OSBPL1A: variants seen among roughly 807,000 people sequenced by gnomAD.
OSBPL1A encodes the protein oxysterol-binding protein-related protein 1.
Under a neutral mutation model 137.1 loss-of-function variants are expected in OSBPL1A, and 80 were observed. The observed-to-expected ratio is 0.58, with a 90% CI of 0.49 to 0.70. OSBPL1A has a LOEUF of 0.70. OSBPL1A is among the 30% of genes least tolerant of loss of function. OSBPL1A has a pLI of 0.00. For missense variants in OSBPL1A, 970 were observed against 1,129.4 expected (o/e 0.86, Z 2.02); for synonymous variants, 365 against 389.7 (o/e 0.94, Z 0.75).
chr18:24,357,543 C>T (rs8091583), intron 4 of OSBPL1A: 98,115 of 151,936 alleles, frequency 0.65, 31,895 homozygotes, highest in East Asian at 0.84. Flanking sequence ...CTTGTAGCCA[C>T]CTTATTTAGG....
intron 14 of OSBPL1A, among the ~76,000 whole-genome samples, chr18:24,289,322 A>C (rs1010072618): frequency 1.3e-5 from 2 of 152,196 alleles, no homozygotes; most frequent in Admixed American, 1.3e-4. Flanking sequence ...TATAAATCTG[A>C]AAAACTTCTC....
chr18:24,266,685 A>G (rs1488272409), intron 15 of OSBPL1A, among the ~76,000 whole-genome samples: 1 of 152,214 alleles, frequency 6.6e-6, no homozygotes, highest in African/African-American at 2.4e-5. Flanking sequence ...TTAGGGGGAT[A>G]GTACCTAGAC....
intron 17 of OSBPL1A, among the ~76,000 whole-genome samples, chr18:24,213,923 C>T (rs77685517): frequency 5.5e-4 from 84 of 152,282 alleles, no homozygotes; most frequent in African/African-American, 2.0e-3. Flanking sequence ...AACAGGAATG[C>T]TTACAGAATC....
At chr18:24,355,645 T>C (rs2091520534) in intron 4 of OSBPL1A, among the ~76,000 whole-genome samples, 1 of 152,090 alleles carries the variant, frequency 6.6e-6, no homozygotes, top group African/African-American at 2.4e-5. Flanking sequence ...CATCAAAAGA[T>C]ATCAACAGTG....
chr18:24,197,059 A>G (rs184441664), intron 17 of OSBPL1A, among the ~76,000 whole-genome samples: 1 of 152,200 alleles, frequency 6.6e-6, no homozygotes, highest in African/African-American at 2.4e-5. Flanking sequence ...AAAGTTTTCC[A>G]GTTGCTGGCC....
At chr18:24,282,882 A>G (rs2089987250) in intron 14 of OSBPL1A, among the ~76,000 whole-genome samples, 4 of 152,012 alleles carry the variant, frequency 2.6e-5, no homozygotes, top group African/African-American at 9.7e-5. Context: ...GCCAAGGTAA[A>G]AGGATCACTT....
intron 13 of OSBPL1A, among the ~76,000 whole-genome samples, chr18:24,309,968 A>C (rs1599647486): frequency 1.4e-5 from 2 of 147,592 alleles, no homozygotes; most frequent in South Asian, 2.2e-4. Flanking sequence ...GATCGCTTGA[A>C]CCCGGGAGGC....
intron 1 of OSBPL1A, among the ~76,000 whole-genome samples, chr18:24,387,348 C>A (rs1303399414): frequency 1.3e-5 from 2 of 152,152 alleles, no homozygotes; most frequent in Non-Finnish European, 2.9e-5. Flanking sequence ...AGCCACCATG[C>A]CCAGCCCAAA....
chr18:24,289,814 T>A lies in OSBPL1A; in HGVS notation c.1175-8866A>T, dbSNP rs550315119. Among the ~76,000 whole-genome samples the A allele has an allele frequency of 2.0e-5, 3 of 152,266 alleles. No individual in the cohort carries two copies. The South Asian group carries it at 6.2e-4, about 32-fold the overall frequency. On this transcript the variant is annotated intron_variant, in intron 14 of 27. Coordinates refer to ENST00000319481, the MANE Select transcript of OSBPL1A (RefSeq NM_080597.4). The stretch of plus-strand genomic sequence containing the variant: ...GCTCTGTGACCTTAAGTAAGTTATA[T>A]AGGCTCCCTGTGCCTCAGTCAACTT...
intron 7 of OSBPL1A, among the ~76,000 whole-genome samples, chr18:24,331,686 G>A (rs367558266): frequency 9.2e-5 from 14 of 152,238 alleles, no homozygotes; most frequent in Middle Eastern, 3.4e-3. Context: ...ATGAGCCACC[G>A]CGCCCGGCGG....
chr18:24,262,708 T>C (rs1172264773), intron 15 of OSBPL1A, among the ~76,000 whole-genome samples: 1 of 132,692 alleles, frequency 7.5e-6, no homozygotes, highest in Non-Finnish European at 1.6e-5. Flanking sequence ...CCATTACCTC[T>C]CTCCCCCAAG....
At chr18:24,188,167 G>C (rs993039746) in intron 18 of OSBPL1A, among the ~76,000 whole-genome samples, 1 of 152,220 alleles carries the variant, frequency 6.6e-6, no homozygotes, top group Non-Finnish European at 1.5e-5. Flanking sequence ...TTATAAGACA[G>C]GAGTTCTTCC....
At chr18:24,241,435 AAAAC>A (rs1273687714) in intron 15 of OSBPL1A, among the ~76,000 whole-genome samples, 13 of 152,238 alleles carry the variant, frequency 8.5e-5, no homozygotes, top group Admixed American at 7.9e-4. Flanking sequence ...TTACAAGAAA[AAAAC>A]AAACAACCCC....
chr18:24,219,367 T>C (rs1200174126), intron 17 of OSBPL1A, among the ~76,000 whole-genome samples: 2 of 152,188 alleles, frequency 1.3e-5, no homozygotes, highest in African/African-American at 2.4e-5. Flanking sequence ...ATGGTAAATG[T>C]TGAGGGTGAA....
At position 24,347,176 on chromosome 18, in the gene OSBPL1A, A is replaced by G. The variant is rs537585326; in HGVS notation, c.283-5518T>C. ...CCACATGAAAAGTTTTACTTCTTGT[A>G]AAGTAATTTTATTTTTTGAGACATG... On this transcript the variant is annotated intron_variant, in intron 4 of 27. Coordinates refer to ENST00000319481, the MANE Select transcript of OSBPL1A (RefSeq NM_080597.4). 2.6e-5 allele frequency among the ~76,000 whole-genome samples: 4 copies of G among 152,126 alleles called. No individual in the cohort carries two copies. The South Asian group carries it at 8.3e-4, about 32-fold the overall frequency.
intron 18 of OSBPL1A, among the ~76,000 whole-genome samples, chr18:24,187,631 A>G (rs1009076676): frequency 2.0e-5 from 3 of 152,198 alleles, no homozygotes; most frequent in Non-Finnish European, 4.4e-5. Context: ...TAAGTGAGCA[A>G]TAGATGCTAG....
At chr18:24,319,584 A>G (rs184236211) in intron 7 of OSBPL1A, among the ~76,000 whole-genome samples, 1 of 152,346 alleles carries the variant, frequency 6.6e-6, no homozygotes, top group African/African-American at 2.4e-5. Flanking sequence ...TGCACATTCC[A>G]TGTTTTGCCC....
chr18:24,298,581 G>A (rs796269067), intron 14 of OSBPL1A, among the ~76,000 whole-genome samples: 4 of 152,296 alleles, frequency 2.6e-5, no homozygotes, highest in African/African-American at 9.6e-5. Flanking sequence ...TCCGGACCTC[G>A]TGTTCCACCC....
At chr18:24,303,584 G>T in intron 14 of OSBPL1A, 53 bp downstream of exon 14, 1 of 1,400,822 alleles carries the variant, frequency 7.1e-7, no homozygotes, top group Non-Finnish European at 1.0e-6. Context: ...ACTACAACAG[G>T]TCAGTATCTA....
Sources: gnomAD v4.1 joint callset for allele counts (sites outside exome capture counted in the v4.1 genomes callset) on GRCh38, gnomAD v4.1.1 for gene constraint, MANE v1.5 for transcripts, NCBI Gene and HGNC (gene_info 2026-07-23, HGNC 2026-07-21) for gene names.